NKAIN3: variants seen among roughly 807,000 people sequenced by gnomAD.
NKAIN3 encodes sodium/potassium transporting ATPase interacting 3.
In NKAIN3, 25 loss-of-function variants were observed where a neutral mutation model predicts 30.2. The ratio of observed to expected loss-of-function variants is 0.83; its 90% CI spans 0.60 to 1.16. The LOEUF (loss-of-function observed/expected upper bound fraction) is 1.16. NKAIN3 is among the 50% of genes most tolerant of loss of function. The pLI is 0.00. For missense variants in NKAIN3, 225 were observed against 254.1 expected, an observed-to-expected ratio of 0.89 and a Z score of 0.78; for synonymous variants, 91 against 89.6, an observed-to-expected ratio of 1.02 and a Z score of -0.09.
At chr8:62,799,329 A>G (rs926411472) in intron 4 of NKAIN3, among the ~76,000 whole-genome samples, 1 of 152,210 alleles carries the variant, frequency 6.6e-6, no homozygotes, top group South Asian at 2.1e-4. Context: ...GTGTACAAAG[A>G]ACTCAAACAA....
At position 62,982,223 on chromosome 8, in the gene NKAIN3, C is replaced by T. The variant is rs1299774886; in HGVS notation, c.*16816C>T. On this transcript the variant is annotated 3_prime_UTR_variant, in exon 7 of 7. Transcript: ENST00000623646. ...ATTAGTATAAATTAAGAACAGGTAC[C>T]ATTTTCTCCAGATACTTCCCCTTCA... 1 of 152,160 alleles carries T rather than the reference C, an allele frequency of 6.6e-6. No homozygotes were observed. The highest frequency in any genetic ancestry group is 1.9e-4 in the East Asian group (1 of 5,202). The allele number at this position is 152,160 out of a possible 1,614,324, so 9.4% of individuals were successfully genotyped here. A position where few individuals can be genotyped will look rare whatever the true frequency, so the allele number is the denominator to read the frequency against.
At chr8:62,344,899 G>C in intron 1 of NKAIN3, 1 of 405,342 alleles carries the variant, frequency 2.5e-6, no homozygotes. Context: ...ACTTTGAGTA[G>C]CTTGGAAATT....
At chr8:62,746,337 TC>T (rs1462399904) in intron 3 of NKAIN3, among the ~76,000 whole-genome samples, 1 of 152,194 alleles carries the variant, frequency 6.6e-6, no homozygotes, top group Non-Finnish European at 1.5e-5. Context: ...CATGATCATC[TC>T]CCCATCTCAT....
In NKAIN3 at chr8:62,939,376, G is replaced by A. The variant is rs146954980; in HGVS notation, c.533-14526G>A. Among the ~76,000 whole-genome samples, 784 of 152,256 alleles carry A rather than the reference G, an allele frequency of 5.1e-3. 3 individuals are homozygous for A. Among genetic ancestry groups the A allele is most frequent in the African/African-American group, 0.018 (744 of 41,550 alleles). ...CTTTTCTGGCCTTACTACAGATCTA[G>A]ACATCCAAATACAAAAAACTCAAAG... On this transcript the variant is annotated intron_variant, in intron 5 of 6. Transcript: ENST00000623646.
intron 1 of NKAIN3, among the ~76,000 whole-genome samples, chr8:62,311,391 T>C (rs1314415686): frequency 6.7e-6 from 1 of 150,336 alleles, no homozygotes; most frequent in Non-Finnish European, 1.5e-5. Context: ...AGGCAGGCAT[T>C]ATGGGACCTA....
intron 1 of NKAIN3, among the ~76,000 whole-genome samples, chr8:62,283,375 C>G (rs866457029): frequency 6.6e-6 from 1 of 151,950 alleles, no homozygotes; most frequent in South Asian, 2.1e-4. Context: ...AGGACTGTTC[C>G]ATAGAACAAA....
At chr8:62,627,119 A>T (rs1162810909) in intron 3 of NKAIN3, among the ~76,000 whole-genome samples, 6 of 152,162 alleles carry the variant, frequency 3.9e-5, no homozygotes, top group Non-Finnish European at 4.4e-5. Flanking sequence ...CAGAATACAC[A>T]ATCGTGAATG....
At chr8:62,804,326 A>G (rs1484937501) in intron 4 of NKAIN3, among the ~76,000 whole-genome samples, 3 of 152,226 alleles carry the variant, frequency 2.0e-5, no homozygotes, top group African/African-American at 4.8e-5. Flanking sequence ...AGAATACCAA[A>G]GCCTGGCAGA....
intron 3 of NKAIN3, among the ~76,000 whole-genome samples, chr8:62,616,724 G>C (rs902615133): frequency 6.6e-6 from 1 of 152,090 alleles, no homozygotes; most frequent in African/African-American, 2.4e-5. Flanking sequence ...TCAGGAGTGA[G>C]GCTGAAAGTT....
chr8:62,778,835 A>C (rs1321922869), intron 4 of NKAIN3, among the ~76,000 whole-genome samples: 1 of 152,022 alleles, frequency 6.6e-6, no homozygotes, highest in Non-Finnish European at 1.5e-5. Flanking sequence ...TGAAGCCAGA[A>C]TATCTTTGAG....
At chr8:62,428,625 C>T (rs1248605971) in intron 1 of NKAIN3, among the ~76,000 whole-genome samples, 1 of 151,784 alleles carries the variant, frequency 6.6e-6, no homozygotes, top group African/African-American at 2.4e-5. Context: ...TTTCATATAC[C>T]AGGTTGTCAT....
intron 6 of NKAIN3, among the ~76,000 whole-genome samples, chr8:62,954,663 C>T (rs545418409): frequency 6.6e-6 from 1 of 152,208 alleles, no homozygotes; most frequent in South Asian, 2.1e-4. Context: ...GACTCCATTC[C>T]TAGAAAATTC....
chr8:62,455,157 T>C (rs889863207), intron 1 of NKAIN3, among the ~76,000 whole-genome samples: 1 of 152,220 alleles, frequency 6.6e-6, no homozygotes, highest in Non-Finnish European at 1.5e-5. Flanking sequence ...TGATCATACA[T>C]TAAGTAATCT....
In NKAIN3 at chr8:62,966,520, C is replaced by T. The variant is rs542867755; in HGVS notation, c.*1113C>T. On this transcript the variant is annotated 3_prime_UTR_variant, in exon 7 of 7. Transcript: ENST00000623646. Reference sequence around the variant, plus strand: ...TGAAAAATGTACATACCCATGTAACCAAGGCCTCAATCAAAATGCAGAACA... The same window carrying T: ...TGAAAAATGTACATACCCATGTAACTAAGGCCTCAATCAAAATGCAGAACA... 2.7e-6 allele frequency: 1 copy of T among 369,434 alleles called. No homozygotes were observed. Among genetic ancestry groups the T allele is most frequent in the Non-Finnish European group, 3.7e-6 (1 of 267,228 alleles). The allele number at this position is 369,434 out of a possible 1,614,324, so 22.9% of individuals were successfully genotyped here.
At chr8:62,796,605 AT>A (rs1563565676) in intron 4 of NKAIN3, among the ~76,000 whole-genome samples, 1 of 152,100 alleles carries the variant, frequency 6.6e-6, no homozygotes. Context: ...TTTACAGAGA[AT>A]ATTTTCTCAT....
At position 62,948,055 on chromosome 8, in the gene NKAIN3, T is replaced by C. The variant is rs1035953838; in HGVS notation, c.533-5847T>C. Among the ~76,000 whole-genome samples the C allele has an allele frequency of 4.6e-5, 7 of 152,168 alleles. No homozygotes were observed. The East Asian group carries it at 1.3e-3, about 29-fold the overall frequency. On this transcript the variant is annotated intron_variant, in intron 5 of 6. Coordinates refer to ENST00000623646, the MANE Select transcript of NKAIN3 (RefSeq NM_001304533.3). ...GCTTGCCCATATGAGCAACTGCCGC[T>C]TAGAGGTTAAATAATTTGCCCACAG...
intron 4 of NKAIN3, chr8:62,863,956 G>C (rs1404570083): frequency 1.2e-6 from 1 of 860,142 alleles, no homozygotes; most frequent in African/African-American, 1.7e-5. Flanking sequence ...TGGCGGTGGT[G>C]GTGGTGGAGG....
intron 4 of NKAIN3, among the ~76,000 whole-genome samples, chr8:62,769,275 G>A (rs1207845596): frequency 2.0e-5 from 3 of 152,096 alleles, no homozygotes; most frequent in Non-Finnish European, 4.4e-5. Flanking sequence ...TAGGATTTGT[G>A]GATAAAATAA....
intron 4 of NKAIN3, among the ~76,000 whole-genome samples, chr8:62,884,963 C>G (rs1211122339): frequency 6.6e-6 from 1 of 151,844 alleles, no homozygotes; most frequent in Non-Finnish European, 1.5e-5. Flanking sequence ...ATTTTCTCTA[C>G]TGATTTTTTC....
Sources: gnomAD v4.1 joint callset for allele counts (sites outside exome capture counted in the v4.1 genomes callset) on GRCh38, gnomAD v4.1.1 for gene constraint, MANE v1.5 for transcripts, NCBI Gene and HGNC (gene_info 2026-07-23, HGNC 2026-07-21) for gene names.